Variants in RNF220 observed in about 807,000 individuals in gnomAD.
RNF220 encodes the protein ring finger protein 220, also known as E3 ubiquitin-protein ligase RNF220.
In RNF220, 7 loss-of-function variants were observed where a neutral mutation model predicts 67.1. That is an observed-to-expected ratio of 0.10 (90% confidence interval 0.06 to 0.20). The LOEUF (loss-of-function observed/expected upper bound fraction) is 0.20. Among genes scored for constraint, RNF220 ranks in the 10% least tolerant of loss-of-function variants. The probability of loss-of-function intolerance (pLI) is 1.00; values close to 1 mark genes in which losing one functional copy is unlikely to be tolerated. For synonymous variants in RNF220, 270 were observed against 283.2 expected, an observed-to-expected ratio of 0.95 and a Z score of 0.47; for missense variants, 565 against 740.3, an observed-to-expected ratio of 0.76 and a Z score of 2.75.
intron 2 of RNF220, among the ~76,000 whole-genome samples, chr1:44,488,928 G>A (rs143477099): frequency 7.2e-4 from 109 of 151,832 alleles, no homozygotes; most frequent in African/African-American, 2.3e-3. Flanking sequence ...ATGGGGTTTC[G>A]CTATGTTGGC....
chr1:44,566,456 A>AG (rs1163928606), intron 2 of RNF220, among the ~76,000 whole-genome samples: 1 of 152,192 alleles, frequency 6.6e-6, no homozygotes, highest in Non-Finnish European at 1.5e-5. Flanking sequence ...AGAGACCAGA[A>AG]GACAGGCTCT....
At chr1:44,567,451 G>A (rs1264866241) in intron 2 of RNF220, among the ~76,000 whole-genome samples, 1 of 152,090 alleles carries the variant, frequency 6.6e-6, no homozygotes, top group Non-Finnish European at 1.5e-5. Context: ...CAGGGAAGGG[G>A]CTGAGCACTC....
intron 2 of RNF220, among the ~76,000 whole-genome samples, chr1:44,610,168 C>T (rs955545399): frequency 3.9e-5 from 6 of 152,216 alleles, no homozygotes; most frequent in African/African-American, 1.4e-4. Context: ...GAGGGGGCTG[C>T]GGGCGTTCCC....
At chr1:44,630,881 T>C (rs945006901) in intron 5 of RNF220, among the ~76,000 whole-genome samples, 12 of 152,356 alleles carry the variant, frequency 7.9e-5, no homozygotes, top group African/African-American at 2.4e-4. Flanking sequence ...TATGCCTTGA[T>C]GGAGAACCAC....
chr1:44,587,839 CT>C (rs1665820783), intron 2 of RNF220, among the ~76,000 whole-genome samples: 1 of 152,244 alleles, frequency 6.6e-6, no homozygotes, highest in African/African-American at 2.4e-5. Flanking sequence ...ACAGTGCTTG[CT>C]CCACAAATGA....
chr1:44,492,681 A>G (rs562557977), intron 2 of RNF220, among the ~76,000 whole-genome samples: 63 of 152,348 alleles, frequency 4.1e-4, no homozygotes, highest in Admixed American at 3.7e-3. Flanking sequence ...CATGTATTAT[A>G]TGATTCCGTT....
At chr1:44,609,691 C>T (rs1393942762) in intron 2 of RNF220, among the ~76,000 whole-genome samples, 1 of 152,230 alleles carries the variant, frequency 6.6e-6, no homozygotes, top group Non-Finnish European at 1.5e-5. Context: ...GGCGAGAGGG[C>T]TGGGCTGGCT....
At chr1:44,627,015 G>C in intron 5 of RNF220, 1 of 109,170 alleles carries the variant, frequency 9.2e-6, no homozygotes, top group Non-Finnish European at 1.7e-5. Context: ...CCAGCCTGGC[G>C]ACAGAGTGAG....
At chr1:44,532,923 C>A (rs1174957126) in intron 2 of RNF220, among the ~76,000 whole-genome samples, 2 of 152,214 alleles carry the variant, frequency 1.3e-5, no homozygotes, top group African/African-American at 2.4e-5. Context: ...GGAGCTCCAG[C>A]TCCCTAGGGG....
intron 2 of RNF220, among the ~76,000 whole-genome samples, chr1:44,451,656 C>T (rs1312177273): frequency 2.0e-5 from 3 of 151,852 alleles, no homozygotes; most frequent in Admixed American, 1.3e-4. Flanking sequence ...GAGTCTGGCT[C>T]TTGTCGCCCA....
At chr1:44,613,854 G>A (rs5027088) in intron 2 of RNF220, among the ~76,000 whole-genome samples, 26,401 of 152,114 alleles carry the variant, frequency 0.17, 2,696 homozygotes, top group Middle Eastern at 0.31. Context: ...TCCAGCCTGG[G>A]CAACAGAGCA....
intron 8 of RNF220, among the ~76,000 whole-genome samples, chr1:44,638,953 C>G (rs1644409160): frequency 6.6e-6 from 1 of 152,208 alleles, no homozygotes; most frequent in African/African-American, 2.4e-5. Flanking sequence ...AATACTTAAG[C>G]TGTGTGTCTA....
At chr1:44,561,595 A>G (rs752652102) in intron 2 of RNF220, among the ~76,000 whole-genome samples, 3 of 152,150 alleles carry the variant, frequency 2.0e-5, no homozygotes, top group South Asian at 2.1e-4. Flanking sequence ...TCAGCCATGG[A>G]AAAAGAATGG....
chr1:44,434,992 A>C (rs1246521160), intron 2 of RNF220, among the ~76,000 whole-genome samples: 1 of 151,664 alleles, frequency 6.6e-6, no homozygotes, highest in Non-Finnish European at 1.5e-5. Context: ...GCACCATTGC[A>C]CACTAGCTTG....
chr1:44,597,623 T>G (rs1666610174), intron 2 of RNF220, among the ~76,000 whole-genome samples: 1 of 151,472 alleles, frequency 6.6e-6, no homozygotes, highest in Admixed American at 6.6e-5. Context: ...TCATCTCCCC[T>G]CACACACCCA....
At chr1:44,558,428 T>C (rs1663291917) in intron 2 of RNF220, among the ~76,000 whole-genome samples, 2 of 152,218 alleles carry the variant, frequency 1.3e-5, no homozygotes, top group African/African-American at 4.8e-5. Flanking sequence ...ATAAAATGTG[T>C]AAGACTTTGT....
intron 2 of RNF220, among the ~76,000 whole-genome samples, chr1:44,595,259 G>C (rs1052585536): frequency 6.6e-6 from 1 of 152,196 alleles, no homozygotes; most frequent in African/African-American, 2.4e-5. Flanking sequence ...CCAACACCTC[G>C]GCCGGCTCCG....
At chr1:44,612,474 G>A (rs1014322640) in intron 2 of RNF220, among the ~76,000 whole-genome samples, 2 of 152,056 alleles carry the variant, frequency 1.3e-5, no homozygotes, top group Non-Finnish European at 2.9e-5. Flanking sequence ...AAAACTCACA[G>A]CCAAACGAAG....
chr1:44,572,089 G>A (rs983075450), intron 2 of RNF220, among the ~76,000 whole-genome samples: 2 of 152,180 alleles, frequency 1.3e-5, no homozygotes, highest in Non-Finnish European at 1.5e-5. Context: ...ATGTTTTATG[G>A]TTAATCTAAA....
Sources: gnomAD v4.1 joint callset for allele counts (sites outside exome capture counted in the v4.1 genomes callset) on GRCh38, gnomAD v4.1.1 for gene constraint, MANE v1.5 for transcripts, NCBI Gene and HGNC (gene_info 2026-07-23, HGNC 2026-07-21) for gene names.